Variants in DNAH10 observed in about 807,000 individuals in gnomAD.
The protein encoded by DNAH10 is dynein axonemal heavy chain 10.
A neutral mutation model predicts 506.6 loss-of-function variants in DNAH10; 348 were observed. That is an observed-to-expected ratio of 0.69 (90% CI 0.63 to 0.75). The LOEUF (loss-of-function observed/expected upper bound fraction) is 0.75, where lower values mean the gene tolerates loss of function less well. Among genes scored for constraint, DNAH10 ranks in the 30% least tolerant of loss-of-function variants. DNAH10 has a pLI of 0.00. For synonymous variants in DNAH10, 2,059 were observed against 2,198.6 expected (o/e 0.94, Z 1.78); for missense variants, 5,179 against 5,787.1 (o/e 0.89, Z 3.41).
At chr12:123,858,289 G>T (rs1017601252) in intron 37 of DNAH10, among the ~76,000 whole-genome samples, 1 of 152,180 alleles carries the variant, frequency 6.6e-6, no homozygotes, top group Non-Finnish European at 1.5e-5. Context: ...GAGTCCTGCT[G>T]AGAGTGTAAA....
chr12:123,851,143 G>A (rs1305678469), intron 35 of DNAH10, 67 bp downstream of exon 35: 4 of 1,490,296 alleles, frequency 2.7e-6, no homozygotes, highest in South Asian at 1.4e-5. Context: ...CCAGACTGGG[G>A]ACCTAGGACG....
intron 52 of DNAH10, among the ~76,000 whole-genome samples, chr12:123,889,035 A>G (rs1389371632): frequency 1.3e-5 from 2 of 152,184 alleles, no homozygotes; most frequent in Admixed American, 1.3e-4. Context: ...AAAAATTTCT[A>G]ACATAACAGT....
At chr12:123,844,970 T>G (rs74909166) in intron 30 of DNAH10, among the ~76,000 whole-genome samples, 1,723 of 152,294 alleles carry the variant, frequency 0.011, 22 homozygotes, top group Middle Eastern at 0.041. Flanking sequence ...TACATAAACC[T>G]CAAATACTAA....
chr12:123,841,179 C>T (rs992871361), intron 29 of DNAH10, 143 bp from the exon 30 acceptor site: 4 of 792,672 alleles, frequency 5.0e-6, no homozygotes, highest in East Asian at 2.5e-5. Context: ...GGTGGGTGAA[C>T]GACATCCATC....
At position 123,893,314 on chromosome 12, in the gene DNAH10, T is replaced by C; in HGVS notation, c.9077T>C (p.Met3026Thr). 1 of 1,613,978 alleles carries C rather than the reference T, an allele frequency of 6.2e-7. No individual in the cohort carries two copies. The highest frequency in any genetic ancestry group is 8.5e-7 in the Non-Finnish European group (1 of 1,179,876). ...GGACAGGAAGCTCTGAAGCAAGGCA[T>C]GGGGCCGGCCAAGGAGTCTGTGTGG... ...QIGQEALKQG[M>T]GPAKESVWQY... The change falls in exon 53 of 79, where the codon ATG becomes ACG. Residue 3026 changes from methionine to threonine, a missense_variant. Physicochemically the swap from Met to Thr is moderately conservative, Grantham distance 81. Around this residue, in one of 3 missense-constraint regions of DNAH10, gnomAD observed 4,844 missense variants for 5,430.5 expected, o/e 0.89. Coordinates refer to ENST00000673944, the MANE Select transcript of DNAH10 (RefSeq NM_001372106.1).
At position 123,898,626 on chromosome 12, in the gene DNAH10, A is replaced by G. The variant is rs757920841; in HGVS notation, c.9479-27A>G. 4 of 1,486,008 alleles carry G rather than the reference A, an allele frequency of 2.7e-6. No homozygotes were observed. In the Admixed American group the frequency reaches 1.0e-4, roughly 38 times the overall value. The allele number at this position is 1,486,008 out of a possible 1,614,324, so 92.1% of individuals were successfully genotyped here. A position where few individuals can be genotyped will look rare whatever the true frequency, so the allele number is the denominator to read the frequency against. On this transcript the variant is annotated intron_variant, in intron 55 of 78. Coordinates refer to ENST00000673944, the MANE Select transcript of DNAH10 (RefSeq NM_001372106.1). ...GTTGCGAACAGTGGCCACCTCGACG[A>G]TGAACATAGGTGCCCTCTTTCCTCA...
chr12:123,858,673 C>T (rs1424892198), intron 37 of DNAH10, among the ~76,000 whole-genome samples: 2 of 152,162 alleles, frequency 1.3e-5, no homozygotes, highest in African/African-American at 2.4e-5. Context: ...AAAGTGGGAA[C>T]AACCCAACAT....
chr12:123,796,179 G>A (rs997369650), intron 12 of DNAH10, among the ~76,000 whole-genome samples: 1 of 152,114 alleles, frequency 6.6e-6, no homozygotes, highest in African/African-American at 2.4e-5. Flanking sequence ...TACTACAGCC[G>A]GGCTCGGTGG....
chr12:123,865,990 C>T lies in DNAH10; in HGVS notation c.7084C>T (p.Arg2362Ter), dbSNP rs1951789444. Residue 2362 changes from arginine (R) to a stop codon, truncating the protein, a stop_gained, in exon 41 of 79, where the codon CGA becomes TGA. Coordinates refer to ENST00000673944, the MANE Select transcript of DNAH10 (RefSeq NM_001372106.1). LOFTEE classifies it high-confidence loss of function. ...LQYASPATVS[R>*]CGMVYVDPKN... Reference sequence around the variant, plus strand: ...GTATGCCTCCCCTGCAACTGTCTCTCGATGTGGAATGGTTTATGTGGATCC... The same window carrying T: ...GTATGCCTCCCCTGCAACTGTCTCTTGATGTGGAATGGTTTATGTGGATCC... 3.1e-6 allele frequency: 5 copies of T among 1,609,862 alleles called. No homozygotes were observed. The highest frequency in any genetic ancestry group is 2.2e-5 in the East Asian group (1 of 44,622).
chr12:123,782,869 A>C (rs1957715253), intron 6 of DNAH10, among the ~76,000 whole-genome samples: 1 of 152,318 alleles, frequency 6.6e-6, no homozygotes, highest in Non-Finnish European at 1.5e-5. Flanking sequence ...TAAACTCAGG[A>C]ACATCTTAAA....
chr12:123,796,960 T>TCC, intron 13 of DNAH10, 128 bp downstream of exon 13: 3 of 792,726 alleles, frequency 3.8e-6, no homozygotes, highest in Non-Finnish European at 5.6e-6. Flanking sequence ...AACCTCCGCC[T>TCC]CCCAGGTTCA....
rs1174268251 is a variant in DNAH10, at chr12:123,762,472, C to G, written c.136C>G (p.Gln46Glu). ...GEDLILHFLN[Q>E]ASEEEGPSAL... ...GGACCTCATCTTGCACTTCCTCAAC[C>G]AGGCGAGCGAGGAGGAGGGGCCCTC... Residue 46 changes from glutamine to glutamate, a missense_variant, in exon 1 of 79, where the codon CAG becomes GAG. Gln to Glu is a conservative substitution (Grantham distance 29). Around this residue, in one of 3 missense-constraint regions of DNAH10, gnomAD observed 326 missense variants for 330.8 expected, o/e 0.99. Transcript: ENST00000673944. The surrounding 1 kb of genome is among the most constrained non-coding windows in gnomAD (Gnocchi z 5.0). 1 of 1,504,090 alleles carries G rather than the reference C, an allele frequency of 6.6e-7. No homozygotes were observed. The highest frequency in any genetic ancestry group is 8.9e-7 in the Non-Finnish European group (1 of 1,122,516). The allele number at this position is 1,504,090 out of a possible 1,614,324, so 93.2% of individuals were successfully genotyped here. A position where few individuals can be genotyped will look rare whatever the true frequency, so the allele number is the denominator to read the frequency against.
At position 123,859,226 on chromosome 12, in the gene DNAH10, G is replaced by C. The variant is rs748907482; in HGVS notation, c.6707G>C (p.Gly2236Ala). The part of the protein sequence containing the change: ...TTMVVGPTRG[G>A]KSVVINTLCQ... Reference sequence around the variant, plus strand: ...ATGGTGGTGGGGCCCACCAGAGGGGGCAAGTCCGTCGTCATTAACACTCTG... The same window carrying C: ...ATGGTGGTGGGGCCCACCAGAGGGGCCAAGTCCGTCGTCATTAACACTCTG... Residue 2236 changes from glycine to alanine, a missense_variant, in exon 38 of 79, where the codon GGC (glycine) becomes GCC (alanine). Around this residue, in one of 3 missense-constraint regions of DNAH10, gnomAD observed 4,844 missense variants for 5,430.5 expected, o/e 0.89. Transcript: ENST00000673944. 6.2e-7 allele frequency: 1 copy of C among 1,610,684 alleles called. No individual in the cohort carries two copies. The highest frequency in any genetic ancestry group is 1.1e-5 in the South Asian group (1 of 90,072).
chr12:123,819,257 A>G lies in DNAH10; in HGVS notation c.4000+7A>G. ...GGTGATGATCTTGATAAAGGTAAGAATGTTCCTGTTGGTCTTACTGAGCGA... is the reference window on the plus strand; with the variant it reads ...GGTGATGATCTTGATAAAGGTAAGAGTGTTCCTGTTGGTCTTACTGAGCGA... On this transcript the variant is annotated splice_region_variant and intron_variant, in intron 23 of 78. Transcript: ENST00000673944. 6.2e-7 allele frequency: 1 copy of G among 1,606,704 alleles called. No homozygotes were observed. Among genetic ancestry groups the G allele is most frequent in the Non-Finnish European group, 8.5e-7 (1 of 1,175,286 alleles).
chr12:123,808,518 C>T (rs1466103246), intron 18 of DNAH10, among the ~76,000 whole-genome samples: 3 of 152,262 alleles, frequency 2.0e-5, no homozygotes, highest in South Asian at 4.1e-4. Context: ...CTCCTTTTTC[C>T]TTACCAGAGT....
rs1052048361 is a variant in DNAH10, at chr12:123,902,010, C to T, written c.9641-929C>T. On this transcript the variant is annotated intron_variant, in intron 56 of 78. Coordinates refer to ENST00000673944, the MANE Select transcript of DNAH10 (RefSeq NM_001372106.1). The surrounding 1 kb of genome is among the most constrained non-coding windows in gnomAD (Gnocchi z 4.5). The stretch of plus-strand genomic sequence containing the variant: ...AGTTCTGGAGGCCAAAGTCTGACAT[C>T]AAGGTGCCAGGACCATGCTCCCTCT... 6.6e-6 allele frequency among the ~76,000 whole-genome samples: 1 copy of T among 152,184 alleles called. No individual in the cohort carries two copies. Among genetic ancestry groups the T allele is most frequent in the African/African-American group, 2.4e-5 (1 of 41,448 alleles).
At chr12:123,786,316 CAA>C (rs1219423980) in intron 9 of DNAH10, among the ~76,000 whole-genome samples, 2 of 116,052 alleles carry the variant, frequency 1.7e-5, no homozygotes, top group East Asian at 2.4e-4. Context: ...GATTCTGTCT[CAA>C]AAAAAAAAAA....
At position 123,905,453 on chromosome 12, in the gene DNAH10, G is replaced by A. The variant is rs556921486; in HGVS notation, c.9815+2340G>A. On this transcript the variant is annotated intron_variant, in intron 57 of 78. Transcript: ENST00000673944. The stretch of plus-strand genomic sequence containing the variant: ...TGTTCATAGCTGTTGCCTAATCCCC[G>A]CCGTGGGGATGGAACCTATTTATCC... Among the ~76,000 whole-genome samples the A allele has an allele frequency of 1.1e-4, 17 of 152,276 alleles. No individual in the cohort carries two copies. The East Asian group carries it at 2.5e-3, about 22-fold the overall frequency.
rs774399779 is a variant in DNAH10, at chr12:123,803,720, C to T, written c.2674C>T (p.His892Tyr). The change falls in exon 17 of 79, where the codon CAC becomes TAC. Residue 892 changes from histidine to tyrosine, a missense_variant. Coordinates refer to ENST00000673944, the MANE Select transcript of DNAH10 (RefSeq NM_001372106.1). ...CATTGGGAAATTTGAGTCTCTCGTC[C>T]ACCAGATTCATAAGAATGCAGATGA... ...QAIGKFESLV[H>Y]QIHKNADDIS... is the part of the protein sequence containing the mutation. 1 of 1,611,070 alleles carries T rather than the reference C, an allele frequency of 6.2e-7. No homozygotes were observed. Among genetic ancestry groups the T allele is most frequent in the South Asian group, 1.1e-5 (1 of 90,482 alleles).
Sources: gnomAD v4.1 joint callset for allele counts (sites outside exome capture counted in the v4.1 genomes callset) on GRCh38, gnomAD v4.1.1 for gene constraint, gnomAD v4.1.1 regional missense constraint, Gnocchi (gnomAD v3.1) non-coding constraint, MANE v1.5 for transcripts, NCBI Gene and HGNC (gene_info 2026-07-23, HGNC 2026-07-21) for gene names.